Variants in SORCS1 observed in about 807,000 individuals in gnomAD.
SORCS1 encodes VPS10 domain-containing receptor SorCS1.
A neutral mutation model predicts 146.1 loss-of-function variants in SORCS1; 60 were observed. The ratio of observed to expected loss-of-function variants is 0.41; its 90% CI spans 0.33 to 0.51. SORCS1 has a LOEUF of 0.51. SORCS1 is among the 20% of genes least tolerant of loss of function. SORCS1 has a pLI of 0.21. For synonymous variants in SORCS1, 637 were observed against 584.0 expected (o/e 1.09, Z -1.31); for missense variants, 1,352 against 1,487.6 (o/e 0.91, Z 1.50).
intron 23 of SORCS1, among the ~76,000 whole-genome samples, chr10:106,602,048 A>G (rs72821150): frequency 0.02 from 3,069 of 152,362 alleles, 36 homozygotes; most frequent in Middle Eastern, 0.048. Context: ...GATGATCAGA[A>G]GTAAAGTGGC....
chr10:107,129,607 T>C (rs1323811724), intron 1 of SORCS1, among the ~76,000 whole-genome samples: 1 of 152,242 alleles, frequency 6.6e-6, no homozygotes, highest in Non-Finnish European at 1.5e-5. Context: ...TTTTACCCAC[T>C]CTTCCCAATT....
intron 1 of SORCS1, among the ~76,000 whole-genome samples, chr10:107,037,129 C>A (rs1263635518): frequency 6.6e-6 from 1 of 152,058 alleles, no homozygotes; most frequent in East Asian, 1.9e-4. Context: ...ACCTGTAATC[C>A]CAGCTACTCA....
chr10:106,749,218 A>C (rs1857968820), intron 5 of SORCS1, among the ~76,000 whole-genome samples: 1 of 152,198 alleles, frequency 6.6e-6, no homozygotes, highest in East Asian at 1.9e-4. Context: ...GGCGCAGTCA[A>C]TTCCTTCCAA....
intron 1 of SORCS1, among the ~76,000 whole-genome samples, chr10:107,031,675 T>G (rs1470215438): frequency 6.6e-6 from 1 of 151,848 alleles, no homozygotes; most frequent in African/African-American, 2.4e-5. Flanking sequence ...ACAATCATAG[T>G]GCACTACAGG....
chr10:106,827,689 C>G (rs1948361379), intron 3 of SORCS1, among the ~76,000 whole-genome samples: 1 of 152,136 alleles, frequency 6.6e-6, no homozygotes. Context: ...GGACTGCATA[C>G]AGCAGATCAA....
In SORCS1 at chr10:107,164,175, C is replaced by T; in HGVS notation, c.352G>A (p.Ala118Thr). ...RRRSGADQEK[A>T]ERGEGASRSP... ...CGACTCGCGCCCTCTCCCCGTTCTG[C>T]CTTCTCCTGATCCGCTCCGCTCCGT... Residue 118 changes from alanine (A) to threonine (T), a missense_variant, in exon 1 of 26, where the codon GCA becomes ACA. Ala to Thr is a moderately conservative substitution (Grantham distance 58). Around this residue, in one of 3 missense-constraint regions of SORCS1, gnomAD observed 490 missense variants for 489.1 expected, o/e 1.00. Transcript: ENST00000263054. The surrounding 1 kb of genome is among the most constrained non-coding windows in gnomAD (Gnocchi z 6.8). The T allele has an allele frequency of 6.2e-7, 1 of 1,612,414 alleles. No homozygotes were observed. Among genetic ancestry groups the T allele is most frequent in the East Asian group, 2.2e-5 (1 of 44,840 alleles).
chr10:106,922,368 C>A (rs567768608), intron 2 of SORCS1, among the ~76,000 whole-genome samples: 1 of 152,286 alleles, frequency 6.6e-6, no homozygotes, highest in East Asian at 1.9e-4. Context: ...ACTCTGGCAC[C>A]TGGATAGATC....
At chr10:107,036,711 T>G (rs1958922619) in intron 1 of SORCS1, among the ~76,000 whole-genome samples, 1 of 152,178 alleles carries the variant, frequency 6.6e-6, no homozygotes, top group Admixed American at 6.5e-5. Context: ...TCCAAAGCAC[T>G]GAGACCTTTT....
At chr10:107,001,598 G>A (rs1957226837) in intron 1 of SORCS1, among the ~76,000 whole-genome samples, 1 of 152,122 alleles carries the variant, frequency 6.6e-6, no homozygotes, top group Admixed American at 6.6e-5. Context: ...CATGTAGTTG[G>A]GATTACAGGC....
chr10:106,926,922 G>A (rs1328032527), intron 2 of SORCS1, among the ~76,000 whole-genome samples: 2 of 151,290 alleles, frequency 1.3e-5, no homozygotes, highest in Non-Finnish European at 2.9e-5. Context: ...TATGTTGGTT[G>A]TAGTATGAGT....
At chr10:106,987,687 G>A (rs942800773) in intron 1 of SORCS1, among the ~76,000 whole-genome samples, 12 of 152,034 alleles carry the variant, frequency 7.9e-5, no homozygotes, top group Non-Finnish European at 1.8e-4. Context: ...TCCCTCTCCA[G>A]TGCCCTCAAA....
intron 2 of SORCS1, among the ~76,000 whole-genome samples, chr10:106,956,174 G>C (rs1954931043): frequency 6.6e-6 from 1 of 151,644 alleles, no homozygotes; most frequent in Non-Finnish European, 1.5e-5. Context: ...TCGTTCTGCA[G>C]ACCTAGAGGC....
chr10:106,849,897 C>T lies in SORCS1; in HGVS notation c.627-20224G>A, dbSNP rs945823655. Among the ~76,000 whole-genome samples the T allele has an allele frequency of 3.5e-4, 53 of 151,908 alleles. 2 individuals are homozygous for T. The highest frequency in any genetic ancestry group is 1.0e-3 in the African/African-American group (42 of 41,344). The stretch of plus-strand genomic sequence containing the variant: ...GTGGGTGCCTCCCAGTTAGGCTGCT[C>T]GGGGGTCAGGGGTCAGGGACCCACT... On this transcript the variant is annotated intron_variant, in intron 2 of 25. Transcript: ENST00000263054.
chr10:107,064,440 C>T (rs1011097553), intron 1 of SORCS1, among the ~76,000 whole-genome samples: 3 of 152,250 alleles, frequency 2.0e-5, no homozygotes, highest in South Asian at 4.1e-4. Context: ...TCACAGTTCC[C>T]GCTATTCCCA....
intron 1 of SORCS1, among the ~76,000 whole-genome samples, chr10:106,956,890 GCACACAACT>G (rs1326294742): frequency 6.6e-6 from 1 of 152,148 alleles, no homozygotes; most frequent in Non-Finnish European, 1.5e-5. Context: ...TGCCAAATAT[GCACACAACT>G]CAGGTACTCA....
chr10:106,710,298 T>C (rs1398205682), intron 6 of SORCS1, among the ~76,000 whole-genome samples: 1 of 151,824 alleles, frequency 6.6e-6, no homozygotes, highest in Non-Finnish European at 1.5e-5. Context: ...AATACAAAAA[T>C]GAGCTGGGCG....
In SORCS1 at chr10:106,575,909, C is replaced by A. The variant is rs577060972; in HGVS notation, c.*1511G>T. On this transcript the variant is annotated 3_prime_UTR_variant, in exon 26 of 26. Transcript: ENST00000263054. ...GAGTGGAAATACCAGGTAACAGCAA[C>A]CGTCACAGGAGGAAATTGCCCTGCG... 6.5e-6 allele frequency: 1 copy of A among 152,746 alleles called. No homozygotes were observed. Among genetic ancestry groups the A allele is most frequent in the South Asian group, 2.1e-4 (1 of 4,826 alleles). The allele number at this position is 152,746 out of a possible 1,614,324, so 9.5% of individuals were successfully genotyped here. A position where few individuals can be genotyped will look rare whatever the true frequency, so the allele number is the denominator to read the frequency against.
chr10:106,702,235 C>A (rs753444235), intron 8 of SORCS1, among the ~76,000 whole-genome samples: 4 of 152,310 alleles, frequency 2.6e-5, no homozygotes, highest in South Asian at 4.1e-4. Context: ...TAAATCCTTA[C>A]CTTGGCCTTG....
chr10:106,809,577 G>T (rs189180821), intron 3 of SORCS1, among the ~76,000 whole-genome samples: 61 of 152,278 alleles, frequency 4.0e-4, no homozygotes, highest in Non-Finnish European at 7.9e-4. Context: ...CTGAGCTCCT[G>T]AGTACAAAGG....
Sources: gnomAD v4.1 joint callset for allele counts (sites outside exome capture counted in the v4.1 genomes callset) on GRCh38, gnomAD v4.1.1 for gene constraint, gnomAD v4.1.1 regional missense constraint, Gnocchi (gnomAD v3.1) non-coding constraint, MANE v1.5 for transcripts, NCBI Gene and HGNC (gene_info 2026-07-23, HGNC 2026-07-21) for gene names.